The following ACYP2 variants were observed in gnomAD, a reference collection of about 807,000 sequenced individuals.
ACYP2 encodes acylphosphatase 2.
Under a neutral mutation model 11.2 loss-of-function variants are expected in ACYP2, and 12 were observed. The observed-to-expected ratio is 1.08, with a 90% confidence interval of 0.69 to 1.74. The LOEUF is 1.74. Ranked by LOEUF, ACYP2 falls within the 40% of genes most tolerant of loss-of-function variation. ACYP2 has a pLI of 0.00. For missense variants in ACYP2, 134 were observed against 101.9 expected, an observed-to-expected ratio of 1.31 and a Z score of -1.35; for synonymous variants, 43 against 32.2, an observed-to-expected ratio of 1.33 and a Z score of -1.13.
At chr2:54,031,632 T>G (rs1194504086) in intron 2 of ACYP2, among the ~76,000 whole-genome samples, 2 of 152,198 alleles carry the variant, frequency 1.3e-5, no homozygotes, top group East Asian at 3.8e-4. Context: ...GTCCTTTGAG[T>G]ATATGCCCAG....
At chr2:54,195,543 C>G (rs1684427639) in intron 6 of ACYP2, among the ~76,000 whole-genome samples, 1 of 151,768 alleles carries the variant, frequency 6.6e-6, no homozygotes, top group Non-Finnish European at 1.5e-5. Flanking sequence ...ATCCCAAACT[C>G]CATCCTCCAG....
chr2:54,155,438 C>G (rs931611537), intron 6 of ACYP2, among the ~76,000 whole-genome samples: 1 of 152,134 alleles, frequency 6.6e-6, no homozygotes, highest in African/African-American at 2.4e-5. Context: ...ACCCTTGTGA[C>G]CTGTTAGGAA....
At chr2:54,287,092 G>A (rs1689109683) in intron 6 of ACYP2, among the ~76,000 whole-genome samples, 1 of 151,964 alleles carries the variant, frequency 6.6e-6, no homozygotes, top group Admixed American at 6.6e-5. Flanking sequence ...CTTAGACTGG[G>A]TAATGTATAC....
chr2:54,297,902 T>G (rs914626357), intron 6 of ACYP2, among the ~76,000 whole-genome samples: 2 of 152,224 alleles, frequency 1.3e-5, no homozygotes, highest in Non-Finnish European at 2.9e-5. Flanking sequence ...ATTGCCACTT[T>G]TCTCCAAATT....
intron 6 of ACYP2, among the ~76,000 whole-genome samples, chr2:54,159,041 C>T (rs564968797): frequency 6.6e-6 from 1 of 152,026 alleles, no homozygotes; most frequent in Non-Finnish European, 1.5e-5. Context: ...TATACTCTCT[C>T]TATATAGTAT....
At chr2:54,055,043 T>C (rs1208322964) in intron 3 of ACYP2, among the ~76,000 whole-genome samples, 2 of 152,172 alleles carry the variant, frequency 1.3e-5, no homozygotes, top group African/African-American at 4.8e-5. Context: ...TCTTTTTCTT[T>C]TTTTCTTTTT....
chr2:54,234,482 T>C (rs1267483572), intron 6 of ACYP2, among the ~76,000 whole-genome samples: 1 of 152,236 alleles, frequency 6.6e-6, no homozygotes, highest in East Asian at 1.9e-4. Context: ...CCCACTTGTT[T>C]GCAACATCCA....
intron 4 of ACYP2, among the ~76,000 whole-genome samples, chr2:54,119,184 T>A (rs569379123): frequency 6.7e-6 from 1 of 149,862 alleles, no homozygotes; most frequent in African/African-American, 2.5e-5. Flanking sequence ...TCTTGAGTAG[T>A]TGGGACTACA....
intron 6 of ACYP2, among the ~76,000 whole-genome samples, chr2:54,155,765 G>A (rs1431559851): frequency 2.0e-5 from 3 of 152,080 alleles, no homozygotes; most frequent in African/African-American, 7.2e-5. Context: ...TATGTGTTGT[G>A]TTTTCATTTT....
chr2:53,982,039 A>C (rs1671789903), intron 2 of ACYP2, among the ~76,000 whole-genome samples: 1 of 152,214 alleles, frequency 6.6e-6, no homozygotes, highest in Non-Finnish European at 1.5e-5. Flanking sequence ...CTCATAATCA[A>C]ATATAGTAAA....
intron 4 of ACYP2, among the ~76,000 whole-genome samples, chr2:54,064,376 G>A (rs1399039632): frequency 6.6e-6 from 1 of 152,206 alleles, no homozygotes; most frequent in East Asian, 1.9e-4. Flanking sequence ...TCTGGCCTTG[G>A]CAGGTGTGGC....
intron 2 of ACYP2, among the ~76,000 whole-genome samples, chr2:53,980,972 G>A (rs889717624): frequency 4.0e-5 from 6 of 151,848 alleles, no homozygotes; most frequent in Admixed American, 1.3e-4. Flanking sequence ...ACGTGGTCTC[G>A]AACTCCTGGG....
chr2:54,135,739 TG>T (rs1681189684), intron 5 of ACYP2, among the ~76,000 whole-genome samples: 1 of 152,208 alleles, frequency 6.6e-6, no homozygotes, highest in African/African-American at 2.4e-5. Flanking sequence ...TTTGATTAGG[TG>T]TATTGAATAC....
chr2:54,225,858 G>C (rs1039468381), intron 6 of ACYP2, among the ~76,000 whole-genome samples: 1 of 152,096 alleles, frequency 6.6e-6, no homozygotes, highest in Non-Finnish European at 1.5e-5. Flanking sequence ...CAACAACAGG[G>C]ATGGAGTGAG....
intron 2 of ACYP2, among the ~76,000 whole-genome samples, chr2:54,016,062 C>T (rs1414328007): frequency 6.6e-6 from 1 of 152,088 alleles, no homozygotes; most frequent in Admixed American, 6.6e-5. Flanking sequence ...CCTACTTCTC[C>T]AGTCTTTCCT....
intron 6 of ACYP2, among the ~76,000 whole-genome samples, chr2:54,205,429 A>T (rs190851462): frequency 6.6e-6 from 1 of 152,328 alleles, no homozygotes; most frequent in African/African-American, 2.4e-5. Flanking sequence ...GGTTTCTCAC[A>T]AAACCTTTGC....
At position 54,115,901 on chromosome 2, in the gene ACYP2, GA is replaced by G. The variant is rs1298525537; in HGVS notation, c.278-19551del. 3.6e-6 allele frequency: 4 copies of G among 1,123,128 alleles called. No individual in the cohort carries two copies. The African/African-American group carries it at 7.2e-5, about 20-fold the overall frequency. 69.6% of individuals were successfully genotyped at this position (1,123,128 alleles called of 1,614,324 possible). The stretch of plus-strand genomic sequence containing the variant: ...GCCATGACACAGCAGCGGCGGCGGG[GA>G]GGGAGGCGAAACGCGCATGCGCCCG... On this transcript the variant is annotated intron_variant, in intron 4 of 6. Coordinates refer to ENST00000607452, the MANE Select transcript of ACYP2 (RefSeq NM_001320586.2).
intron 4 of ACYP2, among the ~76,000 whole-genome samples, chr2:54,127,027 G>A (rs1476167905): frequency 6.7e-6 from 1 of 148,758 alleles, no homozygotes; most frequent in Non-Finnish European, 1.5e-5. Flanking sequence ...CATGGAGGTA[G>A]TCCATAAGAA....
intron 5 of ACYP2, among the ~76,000 whole-genome samples, chr2:54,137,210 G>C (rs1251904640): frequency 6.7e-6 from 1 of 148,688 alleles, no homozygotes; most frequent in Non-Finnish European, 1.5e-5. Flanking sequence ...GAATCTTTTA[G>C]TCTTATAAAA....
Sources: gnomAD v4.1 joint callset for allele counts (sites outside exome capture counted in the v4.1 genomes callset) on GRCh38, gnomAD v4.1.1 for gene constraint, MANE v1.5 for transcripts, NCBI Gene and HGNC (gene_info 2026-07-23, HGNC 2026-07-21) for gene names.